Variants in LTV1 observed in about 807,000 individuals in gnomAD.
LTV1 encodes the protein protein LTV1 homolog.
Under a neutral mutation model 59.9 loss-of-function variants are expected in LTV1, and 39 were observed. The ratio of observed to expected loss-of-function variants is 0.65; its 90% CI spans 0.50 to 0.85. The LOEUF is 0.85. Among genes scored for constraint, LTV1 ranks in the 40% least tolerant of loss-of-function variants. The pLI, the probability that LTV1 is intolerant of heterozygous loss-of-function variation, is 0.00. For missense variants in LTV1, 493 were observed against 549.1 expected (o/e 0.90, Z 1.02); for synonymous variants, 171 against 189.5 (o/e 0.90, Z 0.80).
In LTV1 at chr6:143,856,855, A is replaced by G. The variant is rs551131980; in HGVS notation, c.398-448A>G. Among the ~76,000 whole-genome samples, 24 of 152,312 alleles carry G rather than the reference A, an allele frequency of 1.6e-4. No individual in the cohort carries two copies. The East Asian group carries it at 3.7e-3, about 23-fold the overall frequency. On this transcript the variant is annotated intron_variant, in intron 4 of 10. Coordinates refer to ENST00000367576, the MANE Select transcript of LTV1 (RefSeq NM_032860.5). ...CAGATGCCAACCAGAGCTCTCCTCT[A>G]TGAGGTGTCTATTGACCCCTGATGG...
rs187290368 is a variant in LTV1 at position 143,855,015 on chromosome 6, C to T, written c.398-2288C>T. On this transcript the variant is annotated intron_variant, in intron 4 of 10. Transcript: ENST00000367576. The surrounding 1 kb of genome is among the most constrained non-coding windows in gnomAD (Gnocchi z 4.6). ...CTGAAGATCCTTGTGAATTTTCTGTCTCGTTGATCTGTCTAATATTGACAG... is the reference window on the plus strand; with the variant it reads ...CTGAAGATCCTTGTGAATTTTCTGTTTCGTTGATCTGTCTAATATTGACAG... Among the ~76,000 whole-genome samples the T allele has an allele frequency of 7.7e-4, 117 of 152,204 alleles. No homozygotes were observed. Among genetic ancestry groups the T allele is most frequent in the African/African-American group, 2.6e-3 (110 of 41,546 alleles).
At chr6:143,854,107 A>G (rs968044701) in intron 4 of LTV1, among the ~76,000 whole-genome samples, 32 of 152,060 alleles carry the variant, frequency 2.1e-4, no homozygotes, top group Non-Finnish European at 3.7e-4. Context: ...TTGGTAGGCT[A>G]TTGCTGCCTC....
chr6:143,845,683 G>A (rs531364468), intron 2 of LTV1, among the ~76,000 whole-genome samples: 5 of 152,140 alleles, frequency 3.3e-5, no homozygotes, highest in Non-Finnish European at 7.3e-5. Context: ...TGGCCCCCCA[G>A]GTCTTTTCTT....
chr6:143,844,137 C>T (rs1776849220), intron 1 of LTV1, among the ~76,000 whole-genome samples: 1 of 152,336 alleles, frequency 6.6e-6, no homozygotes, highest in African/African-American at 2.4e-5. Flanking sequence ...CCTGAGCAGC[C>T]AGTGTAAAGT....
chr6:143,857,563 C>T lies in LTV1; in HGVS notation c.539+119C>T, dbSNP rs937139223. On this transcript the variant is annotated intron_variant, in intron 5 of 10. Coordinates refer to ENST00000367576, the MANE Select transcript of LTV1 (RefSeq NM_032860.5). The surrounding 1 kb of genome is among the most constrained non-coding windows in gnomAD (Gnocchi z 5.2). The stretch of plus-strand genomic sequence containing the variant: ...TTCAAGAGCATTTAATCTGAGACTT[C>T]TGTATTTTAGAGCAGAAAATGTGAG... 21 of 1,134,022 alleles carry T rather than the reference C, an allele frequency of 1.9e-5. No individual in the cohort carries two copies. The highest frequency in any genetic ancestry group is 4.1e-4 in the Middle Eastern group (2 of 4,912). The allele number at this position is 1,134,022 out of a possible 1,614,324, so 70.2% of individuals were successfully genotyped here.
intron 4 of LTV1, among the ~76,000 whole-genome samples, chr6:143,852,075 T>C (rs547634668): frequency 1.3e-5 from 2 of 152,320 alleles, no homozygotes; most frequent in Middle Eastern, 3.4e-3. Context: ...TTATTATCCT[T>C]TGGGTATGTA....
chr6:143,847,205 T>G (rs1006352673), intron 3 of LTV1, among the ~76,000 whole-genome samples: 1 of 152,212 alleles, frequency 6.6e-6, no homozygotes, highest in African/African-American at 2.4e-5. Context: ...TCCTCAAGGC[T>G]TTATTGGTAG....
At chr6:143,856,676 T>C (rs1777081583) in intron 4 of LTV1, among the ~76,000 whole-genome samples, 6 of 152,208 alleles carry the variant, frequency 3.9e-5, no homozygotes, top group Admixed American at 3.9e-4. Context: ...GGTTTATTTC[T>C]AACAGTCAGA....
At chr6:143,846,860 A>T (rs543194517) in intron 3 of LTV1, among the ~76,000 whole-genome samples, 1 of 152,276 alleles carries the variant, frequency 6.6e-6, no homozygotes, top group South Asian at 2.1e-4. Context: ...TCCTGTGGGA[A>T]ACTTTTATAT....
At chr6:143,844,715 G>T in intron 2 of LTV1, 98 bp downstream of exon 2, 1 of 1,307,648 alleles carries the variant, frequency 7.6e-7, no homozygotes, top group Non-Finnish European at 1.0e-6. Context: ...ACGTTGCCCA[G>T]GCTGGTCTCG....
chr6:143,848,781 C>T (rs930487119), intron 3 of LTV1, among the ~76,000 whole-genome samples: 1 of 152,180 alleles, frequency 6.6e-6, no homozygotes, highest in African/African-American at 2.4e-5. Context: ...TCAGAAAGGG[C>T]TTCATGTCGG....
At position 143,857,811 on chromosome 6, in the gene LTV1, G is replaced by T; in HGVS notation, c.599G>T (p.Ser200Ile). ...WEDVDDEKGD[S>I]NDDYDSAGLL... ...GATGTGGATGATGAGAAGGGAGATA[G>T]CAATGATGACTATGACTCTGCAGGC... Residue 200 changes from serine (S) to isoleucine (I), a missense_variant, in exon 6 of 11, where the codon AGC (serine) becomes ATC (isoleucine). Ser to Ile is a moderately radical substitution (Grantham distance 142, BLOSUM62 -2). Coordinates refer to ENST00000367576, the MANE Select transcript of LTV1 (RefSeq NM_032860.5). This position sits in a 1 kb window ranked among gnomAD's most constrained non-coding sequence, Gnocchi z 5.2. 2 of 1,614,086 alleles carry T rather than the reference G, an allele frequency of 1.2e-6. No individual in the cohort carries two copies. Among genetic ancestry groups the T allele is most frequent in the South Asian group, 2.2e-5 (2 of 91,074 alleles).
In LTV1 at chr6:143,862,832, T is replaced by G; in HGVS notation, c.1064-12T>G. ...ATGCTTACTGATACATGACTTTTAT[T>G]TGTTTGTTTAGGTACATACTCAAAT... On this transcript the variant is annotated splice_polypyrimidine_tract_variant and intron_variant, in intron 8 of 10. Transcript: ENST00000367576. This position sits in a 1 kb window ranked among gnomAD's most constrained non-coding sequence, Gnocchi z 4.2. The G allele has an allele frequency of 6.7e-7, 1 of 1,502,000 alleles. No homozygotes were observed. The highest frequency in any genetic ancestry group is 2.3e-5 in the East Asian group (1 of 44,276). 93.0% of individuals were successfully genotyped at this position (1,502,000 alleles called of 1,614,324 possible).
rs572242876 is a variant in LTV1, at chr6:143,857,102, G to T, written c.398-201G>T. 6.6e-5 allele frequency among the ~76,000 whole-genome samples: 10 copies of T among 152,310 alleles called. No homozygotes were observed. The highest frequency in any genetic ancestry group is 5.8e-4 in the East Asian group (3 of 5,188). ...TTTTATTTATAAGGTCCTGACTGGG[G>T]CTGAGGCAGCATTTTGTTTCCTTTT... On this transcript the variant is annotated intron_variant, in intron 4 of 10. Transcript: ENST00000367576. This position sits in a 1 kb window ranked among gnomAD's most constrained non-coding sequence, Gnocchi z 5.2.
chr6:143,860,327 A>G lies in LTV1; in HGVS notation c.796-99A>G, dbSNP rs1005068382. 10 of 936,816 alleles carry G rather than the reference A, an allele frequency of 1.1e-5. No individual in the cohort carries two copies. The East Asian group carries it at 2.3e-4, about 21-fold the overall frequency. 58.0% of individuals were successfully genotyped at this position (936,816 alleles called of 1,614,324 possible). ...TAATTGTGATAGTACCTGAATAACT[A>G]TTGTGTAAGAATAAAGTTAATGTAA... is the stretch of plus-strand genomic sequence containing the variant. On this transcript the variant is annotated intron_variant, in intron 6 of 10. Coordinates refer to ENST00000367576, the MANE Select transcript of LTV1 (RefSeq NM_032860.5).
At chr6:143,847,189 C>CCAT in intron 3 of LTV1, among the ~76,000 whole-genome samples, 1 of 152,308 alleles carries the variant, frequency 6.6e-6, no homozygotes, top group Middle Eastern at 3.4e-3. Context: ...CTTCTTTATT[C>CCAT]CTTCTTCCTC....
At chr6:143,849,874 G>A (rs2128491200) in intron 3 of LTV1, among the ~76,000 whole-genome samples, 1 of 152,230 alleles carries the variant, frequency 6.6e-6, no homozygotes, top group South Asian at 2.1e-4. Flanking sequence ...GGAATTCCTT[G>A]CCTTATAGAG....
chr6:143,857,215 T>G lies in LTV1; in HGVS notation c.398-88T>G. 6.9e-7 allele frequency: 1 copy of G among 1,456,002 alleles called. No individual in the cohort carries two copies. The highest frequency in any genetic ancestry group is 1.3e-5 in the South Asian group (1 of 79,268). The allele number at this position is 1,456,002 out of a possible 1,614,324, so 90.2% of individuals were successfully genotyped here. On this transcript the variant is annotated intron_variant, in intron 4 of 10. Transcript: ENST00000367576. The surrounding 1 kb of genome is among the most constrained non-coding windows in gnomAD (Gnocchi z 5.2). ...TTATCCTCAATATATTAATAGACTC[T>G]TGCTATCATAGGTCCTTATATTGTG...
intron 2 of LTV1, among the ~76,000 whole-genome samples, chr6:143,845,132 A>G (rs538861177): frequency 6.6e-6 from 1 of 152,124 alleles, no homozygotes; most frequent in Non-Finnish European, 1.5e-5. Context: ...ATCTTAGGAA[A>G]TGTAAAATAT....
Sources: allele counts gnomAD v4.1 joint callset (sites outside exome capture counted in the v4.1 genomes callset), GRCh38; gene constraint gnomAD v4.1.1; non-coding constraint Gnocchi (gnomAD v3.1); transcripts MANE v1.5; gene names NCBI Gene and HGNC (gene_info 2026-07-23, HGNC 2026-07-21).